Variants in SCN10A observed in about 807,000 individuals in gnomAD.
SCN10A encodes the protein sodium voltage-gated channel alpha subunit 10, also known as sodium channel protein type 10 subunit alpha.
SCN10A carries 162 observed loss-of-function variants against 170.7 expected under a neutral mutation model. The observed-to-expected ratio is 0.95, with a 90% confidence interval of 0.84 to 1.08. The LOEUF (loss-of-function observed/expected upper bound fraction) is 1.08. Among genes scored for constraint, SCN10A ranks in the 50% least tolerant of loss-of-function variants. SCN10A has a pLI of 0.00. For missense variants in SCN10A, 2,527 were observed against 2,436.9 expected, an observed-to-expected ratio of 1.04 and a Z score of -0.78; for synonymous variants, 985 against 904.6, an observed-to-expected ratio of 1.09 and a Z score of -1.59.
intron 8 of SCN10A, 99 bp downstream of exon 8, chr3:38,760,582 C>T: frequency 1.1e-6 from 1 of 928,496 alleles, no homozygotes; most frequent in Non-Finnish European, 1.8e-6. Flanking sequence ...ATACATCTTT[C>T]CCAGGACCTG....
intron 1 of SCN10A, among the ~76,000 whole-genome samples, chr3:38,796,220 C>T (rs935399978): frequency 1.3e-5 from 2 of 152,160 alleles, no homozygotes; most frequent in African/African-American, 2.4e-5. Context: ...CCCAAATAGC[C>T]TGTTTCTGTG....
intron 4 of SCN10A, among the ~76,000 whole-genome samples, chr3:38,772,389 A>G (rs2064013435): frequency 6.6e-6 from 1 of 151,968 alleles, no homozygotes; most frequent in Admixed American, 6.6e-5. Context: ...AAGAAGAGTT[A>G]GAGAAATAAA....
chr3:38,756,854 C>T lies in SCN10A; in HGVS notation c.1110G>A (p.Gly370=), dbSNP rs267599808. The T allele has an allele frequency of 2.5e-6, 4 of 1,614,152 alleles. No homozygotes were observed. The highest frequency in any genetic ancestry group is 3.4e-6 in the Non-Finnish European group (4 of 1,180,032). The change falls in exon 10 of 28, where the codon GGG becomes GGA. Residue 370 remains glycine, a synonymous_variant. Transcript: ENST00000449082. ...GCACAAAAAAGATCATATAGATTTT[C>T]CCAGAAGTCCTCAGGGTCTGCAGGT... is the stretch of plus-strand genomic sequence containing the variant. ...RLYQQTLRTS[G]KIYMIFFVLV...
chr3:38,714,525 G>T (rs551346309), intron 21 of SCN10A, among the ~76,000 whole-genome samples: 1 of 152,194 alleles, frequency 6.6e-6, no homozygotes, highest in South Asian at 2.1e-4. Context: ...TCAGAGAAGT[G>T]GGGTGGAAAG....
chr3:38,705,033 G>T (rs1011364920), intron 26 of SCN10A, among the ~76,000 whole-genome samples: 1 of 152,236 alleles, frequency 6.6e-6, no homozygotes, highest in Non-Finnish European at 1.5e-5. Context: ...GGGCATGTGG[G>T]TGTCAAAGAT....
At chr3:38,722,446 C>T (rs373910122) in intron 19 of SCN10A, 34 bp from the exon 20 acceptor site, 68 of 1,605,130 alleles carry the variant, frequency 4.2e-5, no homozygotes, top group Middle Eastern at 1.7e-4. Flanking sequence ...TGGGTGATGG[C>T]CAGTGGGCAA....
rs73825880 is a variant in SCN10A, at chr3:38,723,573, G to A, written c.3229-20C>T. The A allele has an allele frequency of 4.9e-4, 770 of 1,569,524 alleles. 2 individuals are homozygous for A. In the African/African-American group the frequency reaches 8.1e-3, roughly 17 times the overall value. On this transcript the variant is annotated intron_variant, in intron 18 of 27. Coordinates refer to ENST00000449082, the MANE Select transcript of SCN10A (RefSeq NM_006514.4). ...CACTCCCTGCAGGGGAGAAGCCCAG[G>A]GCAGTGAACTCGTCTCTCCGCGGGG... is the stretch of plus-strand genomic sequence containing the variant.
intron 4 of SCN10A, among the ~76,000 whole-genome samples, chr3:38,787,240 T>C (rs972356750): frequency 2.6e-5 from 4 of 152,164 alleles, no homozygotes; most frequent in African/African-American, 9.6e-5. Context: ...ATCTCACTTA[T>C]ACTTTGATAA....
intron 8 of SCN10A, among the ~76,000 whole-genome samples, chr3:38,758,691 C>T (rs62244072): frequency 0.13 from 19,622 of 152,156 alleles, 1,346 homozygotes; most frequent in South Asian, 0.15. Context: ...TTAGCTTTCA[C>T]GGCATGCCCC....
Position 38,794,983 on chromosome 3 carries a change from G to A in SCN10A, c.-32-941C>T, listed in dbSNP as rs146955434. Among the ~76,000 whole-genome samples the A allele has an allele frequency of 2.3e-3, 343 of 152,026 alleles. 2 individuals carry two copies. Among genetic ancestry groups the A allele is most frequent in the Non-Finnish European group, 3.9e-3 (266 of 67,980 alleles). On this transcript the variant is annotated intron_variant, in intron 1 of 27. Coordinates refer to ENST00000449082, the MANE Select transcript of SCN10A (RefSeq NM_006514.4). ...GAGAGGTATCTTCCTACATTCTAAG[G>A]ACCATTCCTTTCCCTCTGCTTAGGA...
intron 6 of SCN10A, among the ~76,000 whole-genome samples, chr3:38,762,594 G>A (rs1035057045): frequency 6.6e-6 from 1 of 151,988 alleles, no homozygotes; most frequent in African/African-American, 2.4e-5. Context: ...TGAGAGATGA[G>A]GCAGAAGAGA....
chr3:38,747,974 T>TATC (rs1171151604), intron 13 of SCN10A, among the ~76,000 whole-genome samples: 1 of 152,188 alleles, frequency 6.6e-6, no homozygotes, highest in Non-Finnish European at 1.5e-5. Context: ...CGCAAGCTTA[T>TATC]ATCAGTTCAC....
chr3:38,807,589 G>A (rs1467792324), intron 1 of SCN10A, among the ~76,000 whole-genome samples: 4 of 152,038 alleles, frequency 2.6e-5, no homozygotes, highest in African/African-American at 9.7e-5. Context: ...ACATACTGGA[G>A]GTCATTAAAT....
In SCN10A at chr3:38,718,747, A is replaced by C; in HGVS notation, c.3587T>G (p.Ile1196Ser). ...CTTAAGCAGCATCTCGAACACAAAG[A>C]TAAAGGTGAAGACCCTGTCAGTGTA... The part of the protein sequence containing the change: ...LEYTDRVFTF[I>S]FVFEMLLKWV... The change falls in exon 21 of 28, where the codon ATC becomes AGC. Residue 1196 changes from isoleucine to serine, a missense_variant. Transcript: ENST00000449082. The C allele has an allele frequency of 6.2e-7, 1 of 1,614,246 alleles. No homozygotes were observed. The highest frequency in any genetic ancestry group is 8.5e-7 in the Non-Finnish European group (1 of 1,180,042).
chr3:38,730,782 T>C (rs2063506502), intron 15 of SCN10A, among the ~76,000 whole-genome samples: 1 of 152,060 alleles, frequency 6.6e-6, no homozygotes, highest in African/African-American at 2.4e-5. Flanking sequence ...AGAGAATTAG[T>C]GAACTGAGGA....
At chr3:38,734,014 CT>C (rs978352294) in intron 15 of SCN10A, among the ~76,000 whole-genome samples, 4 of 151,078 alleles carry the variant, frequency 2.6e-5, no homozygotes, top group Non-Finnish European at 4.4e-5. Context: ...ACCACTGCCC[CT>C]GGCCTTCTTT....
At chr3:38,758,353 T>C (rs955968756) in intron 8 of SCN10A, among the ~76,000 whole-genome samples, 2 of 152,210 alleles carry the variant, frequency 1.3e-5, no homozygotes, top group Non-Finnish European at 2.9e-5. Flanking sequence ...TGTTTCTATG[T>C]CTTCTGTAGA....
intron 15 of SCN10A, among the ~76,000 whole-genome samples, chr3:38,734,333 A>T (rs1333890918): frequency 1.4e-5 from 2 of 147,942 alleles, no homozygotes; most frequent in Non-Finnish European, 3.0e-5. Flanking sequence ...CCTTGGCTTT[A>T]AAAAAAAAAT....
intron 27 of SCN10A, among the ~76,000 whole-genome samples, chr3:38,699,114 G>A (rs1325600051): frequency 6.6e-6 from 1 of 152,034 alleles, no homozygotes; most frequent in African/African-American, 2.4e-5. Context: ...TTAATTACAA[G>A]GGGGCCTGAG....
Sources: allele counts gnomAD v4.1 joint callset (sites outside exome capture counted in the v4.1 genomes callset), GRCh38; gene constraint gnomAD v4.1.1; transcripts MANE v1.5; gene names NCBI Gene and HGNC (gene_info 2026-07-23, HGNC 2026-07-21).